LRP4: variants seen among roughly 807,000 people sequenced by gnomAD.
LRP4 encodes LDL receptor related protein 4.
In LRP4, 95 loss-of-function variants were observed where a neutral mutation model predicts 220.3. The ratio of observed to expected loss-of-function variants is 0.43; its 90% CI spans 0.37 to 0.51. LRP4 has a LOEUF of 0.51. LRP4 is among the 20% of genes least tolerant of loss of function. The pLI is 0.00. For missense variants in LRP4, 1,925 were observed against 2,567.0 expected, an observed-to-expected ratio of 0.75 and a Z score of 5.40; for synonymous variants, 903 against 954.6, an observed-to-expected ratio of 0.95 and a Z score of 1.00.
At chr11:46,866,380 AAGCAATCCTCCCAACCTC>A (rs1405141006) in intron 34 of LRP4, among the ~76,000 whole-genome samples, 7 of 151,538 alleles carry the variant, frequency 4.6e-5, no homozygotes, top group African/African-American at 1.7e-4. Flanking sequence ...ACCTGGGCTC[AAGCAATCCTCCCAACCTC>A]AGCCTCCCAA....
Position 46,878,896 on chromosome 11 carries a change from C to T in LRP4, c.3136+11G>A. The T allele has an allele frequency of 9.9e-6, 16 of 1,614,054 alleles. No homozygotes were observed. The highest frequency in any genetic ancestry group is 1.3e-5 in the Non-Finnish European group (15 of 1,180,026). ...AGAGGCTGCATCTAGATCTGTGATG[C>T]TTTCACTCACCTGGTGAGCAGGTCT... On this transcript the variant is annotated intron_variant, in intron 22 of 37. Coordinates refer to ENST00000378623, the MANE Select transcript of LRP4 (RefSeq NM_002334.4).
chr11:46,881,580 T>A, intron 20 of LRP4, 122 bp downstream of exon 20: 1 of 960,960 alleles, frequency 1.0e-6, no homozygotes, highest in East Asian at 2.4e-5. Flanking sequence ...GCTGGTCCCA[T>A]AACCTCCAGA....
At chr11:46,896,457 C>A in intron 8 of LRP4, 122 bp from the exon 9 acceptor site, 1 of 1,262,232 alleles carries the variant, frequency 7.9e-7, no homozygotes, top group South Asian at 1.3e-5. Flanking sequence ...GGTGAGGGTC[C>A]TGGGCAGGAA....
At chr11:46,911,187 T>G (rs1941853294) in intron 1 of LRP4, among the ~76,000 whole-genome samples, 1 of 152,184 alleles carries the variant, frequency 6.6e-6, no homozygotes, top group African/African-American at 2.4e-5. Context: ...TTGTTTTTCT[T>G]GTTATTTGTA....
intron 11 of LRP4, 131 bp from the exon 12 acceptor site, chr11:46,894,950 C>G (rs1369863280): frequency 1.9e-6 from 2 of 1,029,554 alleles, no homozygotes; most frequent in Non-Finnish European, 3.0e-6. Context: ...AGCATCAGTA[C>G]CAGAAGAGTG....
At chr11:46,882,918 A>T (rs1941197564) in intron 19 of LRP4, among the ~76,000 whole-genome samples, 1 of 152,070 alleles carries the variant, frequency 6.6e-6, no homozygotes, top group Admixed American at 6.6e-5. Context: ...GGAAAGACAC[A>T]CAAGATATAA....
chr11:46,903,241 C>T lies in LRP4; in HGVS notation c.53-312G>A, dbSNP rs58438537. ...TAGGCACAGTGGCTCATACCTATAT[C>T]ACAGCACTTTGAGGGGCTGAGATGG... On this transcript the variant is annotated intron_variant, in intron 1 of 37. Transcript: ENST00000378623. Among the ~76,000 whole-genome samples, 2,588 of 152,276 alleles carry T rather than the reference C, an allele frequency of 0.017. 67 individuals carry two copies. The highest frequency in any genetic ancestry group is 0.059 in the African/African-American group (2,452 of 41,548).
chr11:46,900,066 C>T, intron 3 of LRP4, 90 bp from the exon 4 acceptor site: 2 of 1,118,548 alleles, frequency 1.8e-6, no homozygotes, highest in Non-Finnish European at 2.7e-6. Context: ...AGTCAAGTAG[C>T]TCCAGTGCTG....
At chr11:46,864,397 T>A in intron 36 of LRP4, 51 bp downstream of exon 36, 1 of 1,321,272 alleles carries the variant, frequency 7.6e-7, no homozygotes, top group Non-Finnish European at 1.1e-6. Context: ...ATCCCAGACA[T>A]GCTCATGAAG....
chr11:46,915,580 G>C (rs1480155719), intron 1 of LRP4, among the ~76,000 whole-genome samples: 1 of 152,216 alleles, frequency 6.6e-6, no homozygotes, highest in African/African-American at 2.4e-5. Context: ...GTCTCACTCT[G>C]TCGCCCCGGC....
intron 1 of LRP4, among the ~76,000 whole-genome samples, chr11:46,913,412 AAG>A (rs774373976): frequency 8.5e-5 from 13 of 152,154 alleles, no homozygotes; most frequent in Non-Finnish European, 1.6e-4. Flanking sequence ...GAAGAAACAA[AAG>A]AGACAACAGG....
At chr11:46,910,001 G>A (rs1434561242) in intron 1 of LRP4, among the ~76,000 whole-genome samples, 1 of 152,010 alleles carries the variant, frequency 6.6e-6, no homozygotes, top group Non-Finnish European at 1.5e-5. Flanking sequence ...CTGTCCCATG[G>A]TCCCTTTTAT....
Position 46,906,915 on chromosome 11 carries a change from G to A in LRP4, c.53-3986C>T, listed in dbSNP as rs540158730. On this transcript the variant is annotated intron_variant, in intron 1 of 37. Transcript: ENST00000378623. The stretch of plus-strand genomic sequence containing the variant: ...CTGCAGTGAAGGGCGGGCAGCCACC[G>A]GTCAGGCAAACGCTTGACTTGGGCA... Among the ~76,000 whole-genome samples the A allele has an allele frequency of 2.0e-5, 3 of 152,280 alleles. No individual in the cohort carries two copies. In the South Asian group the frequency reaches 6.2e-4, roughly 32 times the overall value.
chr11:46,881,446 C>T (rs1378867855), intron 20 of LRP4, among the ~76,000 whole-genome samples: 3 of 152,166 alleles, frequency 2.0e-5, no homozygotes, highest in African/African-American at 7.2e-5. Flanking sequence ...TGCATTTACA[C>T]CCCCAGCTCA....
At chr11:46,872,947 G>C in intron 30 of LRP4, 153 bp downstream of exon 30, 1 of 1,152,392 alleles carries the variant, frequency 8.7e-7, no homozygotes, top group South Asian at 1.3e-5. Flanking sequence ...AGCAATCGCT[G>C]CTCTAAGAAT....
intron 7 of LRP4, 91 bp downstream of exon 7, chr11:46,898,467 T>C: frequency 6.4e-7 from 1 of 1,573,344 alleles, no homozygotes; most frequent in African/African-American, 1.3e-5. Flanking sequence ...ATTATAAGCA[T>C]GAGCCACCGC....
intron 13 of LRP4, among the ~76,000 whole-genome samples, chr11:46,891,616 A>C (rs573153089): frequency 6.6e-6 from 1 of 152,126 alleles, no homozygotes; most frequent in Non-Finnish European, 1.5e-5. Flanking sequence ...CAGATTTCTG[A>C]ATTTTAAATT....
chr11:46,865,946 T>TAA (rs1940684115), intron 34 of LRP4, among the ~76,000 whole-genome samples: 1 of 152,206 alleles, frequency 6.6e-6, no homozygotes, highest in Non-Finnish European at 1.5e-5. Flanking sequence ...CAAACTGTAG[T>TAA]AAAAACAGAG....
At chr11:46,917,520 C>T (rs1434565741) in intron 1 of LRP4, among the ~76,000 whole-genome samples, 2 of 152,194 alleles carry the variant, frequency 1.3e-5, no homozygotes, top group Non-Finnish European at 2.9e-5. Flanking sequence ...GTCCAGCTCC[C>T]CCGAGGGCTG....
Sources: gnomAD v4.1 joint callset for allele counts (sites outside exome capture counted in the v4.1 genomes callset) on GRCh38, gnomAD v4.1.1 for gene constraint, MANE v1.5 for transcripts, NCBI Gene and HGNC (gene_info 2026-07-23, HGNC 2026-07-21) for gene names.